RABGAP1L: variants seen among roughly 807,000 people sequenced by gnomAD.
RABGAP1L encodes the protein RAB GTPase activating protein 1 like, also known as rab GTPase-activating protein 1-like.
RABGAP1L carries 63 observed loss-of-function variants against 137.7 expected under a neutral mutation model. The ratio of observed to expected loss-of-function variants is 0.46; its 90% CI spans 0.37 to 0.56. RABGAP1L has a LOEUF of 0.56. Ranked by LOEUF, RABGAP1L falls within the 20% of genes least tolerant of loss-of-function variation. RABGAP1L has a pLI of 0.00. For missense variants in RABGAP1L, 1,095 were observed against 1,244.0 expected, an observed-to-expected ratio of 0.88 and a Z score of 1.80; for synonymous variants, 431 against 433.7, an observed-to-expected ratio of 0.99 and a Z score of 0.08.
At chr1:174,622,524 A>G (rs1049797990) in intron 13 of RABGAP1L, among the ~76,000 whole-genome samples, 1 of 152,254 alleles carries the variant, frequency 6.6e-6, no homozygotes, top group African/African-American at 2.4e-5. Flanking sequence ...CTATGCAGCC[A>G]TAAAATATGA....
chr1:174,539,699 A>G (rs143242000), intron 13 of RABGAP1L, among the ~76,000 whole-genome samples: 3,387 of 152,254 alleles, frequency 0.022, 56 homozygotes, highest in Middle Eastern at 0.088. Flanking sequence ...TCATTGATGG[A>G]CATTTGGGTT....
At chr1:174,414,453 C>T (rs1043160763) in intron 13 of RABGAP1L, among the ~76,000 whole-genome samples, 2 of 151,948 alleles carry the variant, frequency 1.3e-5, no homozygotes, top group African/African-American at 4.8e-5. Context: ...AGTAGGCTGT[C>T]CTACTATCTA....
chr1:174,896,090 C>A (rs1011679566), intron 19 of RABGAP1L, among the ~76,000 whole-genome samples: 2 of 152,214 alleles, frequency 1.3e-5, no homozygotes, highest in African/African-American at 4.8e-5. Context: ...TTCTCCACAT[C>A]CTCTCTAGCA....
At chr1:174,532,338 A>G (rs1201479401) in intron 13 of RABGAP1L, among the ~76,000 whole-genome samples, 2 of 151,640 alleles carry the variant, frequency 1.3e-5, no homozygotes, top group African/African-American at 4.9e-5. Context: ...CCTCCTGAGT[A>G]TCTGGGACTA....
chr1:174,472,526 A>G (rs2149310685), intron 13 of RABGAP1L, among the ~76,000 whole-genome samples: 1 of 152,328 alleles, frequency 6.6e-6, no homozygotes, highest in East Asian at 1.9e-4. Context: ...ACAAAGCAAA[A>G]TCAGTAAAGG....
chr1:174,394,058 A>T lies in RABGAP1L; in HGVS notation c.1623A>T (p.Glu541Asp). The part of the protein sequence containing the change: ...LSTLVKSGVP[E>D]ALRAEVWQLL... ...CTCTGGTGAAGAGTGGTGTCCCTGA[A>T]GCATTGAGGGCAGAGGTATGGCAGT... The change falls in exon 13 of 26, where the codon GAA becomes GAT. Residue 541 changes from glutamate to aspartate, a missense_variant. By Grantham distance (45) the Glu-to-Asp change is conservative. Transcript: ENST00000681986. 6.2e-7 allele frequency: 1 copy of T among 1,613,928 alleles called. No individual in the cohort carries two copies. Among genetic ancestry groups the T allele is most frequent in the Non-Finnish European group, 8.5e-7 (1 of 1,179,838 alleles).
At position 174,341,144 on chromosome 1, in the gene RABGAP1L, C is replaced by T. The variant is rs149432665; in HGVS notation, c.1466-29835C>T. ...TAAATTTCTTTAAGTTCCTGGTAGA[C>T]TCTGGATATTAGATTGTTGTCAGAT... On this transcript the variant is annotated intron_variant, in intron 11 of 25. Coordinates refer to ENST00000681986, the MANE Select transcript of RABGAP1L (RefSeq NM_001366446.1). 9.0e-3 allele frequency among the ~76,000 whole-genome samples: 1,376 copies of T among 152,058 alleles called. 25 individuals carry two copies. The highest frequency in any genetic ancestry group is 0.032 in the African/African-American group (1,327 of 41,480).
intron 4 of RABGAP1L, 127 bp from the exon 5 acceptor site, chr1:174,241,356 T>C (rs1301549121): frequency 7.3e-6 from 4 of 550,654 alleles, no homozygotes; most frequent in African/African-American, 5.9e-5. Flanking sequence ...ATAGTTATTT[T>C]ATATATCATA....
chr1:174,486,578 C>T (rs1010838948), intron 13 of RABGAP1L, among the ~76,000 whole-genome samples: 19 of 152,112 alleles, frequency 1.2e-4, no homozygotes, highest in African/African-American at 3.4e-4. Flanking sequence ...GATCCCCTGA[C>T]CTCGTGATCT....
intron 11 of RABGAP1L, among the ~76,000 whole-genome samples, chr1:174,348,505 G>A (rs1444438400): frequency 1.4e-5 from 2 of 140,810 alleles, no homozygotes; most frequent in African/African-American, 5.3e-5. Flanking sequence ...GTTTCTCACA[G>A]AGGGGGATTT....
At chr1:174,640,431 C>G (rs1424725641) in intron 14 of RABGAP1L, among the ~76,000 whole-genome samples, 3 of 152,030 alleles carry the variant, frequency 2.0e-5, no homozygotes, top group Non-Finnish European at 2.9e-5. Context: ...TGACCCCCAT[C>G]CCATATTCCC....
At chr1:174,925,889 GTTT>G (rs376200965) in intron 19 of RABGAP1L, among the ~76,000 whole-genome samples, 2 of 108,082 alleles carry the variant, frequency 1.9e-5, no homozygotes, top group Non-Finnish European at 3.9e-5. Flanking sequence ...TTTTTTTTGT[GTTT>G]TTTTTTTTTT....
intron 11 of RABGAP1L, among the ~76,000 whole-genome samples, chr1:174,323,762 C>G (rs1021323780): frequency 2.0e-5 from 3 of 152,088 alleles, no homozygotes; most frequent in East Asian, 1.9e-4. Context: ...GTAGAAAAAT[C>G]TACAACTGGA....
intron 11 of RABGAP1L, among the ~76,000 whole-genome samples, chr1:174,313,924 T>C (rs1434981131): frequency 2.0e-5 from 3 of 152,182 alleles, no homozygotes; most frequent in Non-Finnish European, 4.4e-5. Context: ...TTGTTGATGA[T>C]TTTTGCGTGA....
chr1:174,216,331 T>C (rs1669316273), intron 1 of RABGAP1L, among the ~76,000 whole-genome samples: 1 of 152,192 alleles, frequency 6.6e-6, no homozygotes, highest in African/African-American at 2.4e-5. Flanking sequence ...GGATAAATGC[T>C]TGAGGTGATG....
At chr1:174,520,329 C>T (rs1042952024) in intron 13 of RABGAP1L, among the ~76,000 whole-genome samples, 5 of 152,192 alleles carry the variant, frequency 3.3e-5, no homozygotes, top group African/African-American at 1.2e-4. Context: ...GTAAAGACTT[C>T]AGGCCAGCAG....
intron 7 of RABGAP1L, 41 bp downstream of exon 7, chr1:174,252,631 G>C (rs1367689061): frequency 1.9e-6 from 3 of 1,590,326 alleles, no homozygotes; most frequent in Non-Finnish European, 2.6e-6. Flanking sequence ...AACTTGTATT[G>C]ACATTGTTAC....
At chr1:174,579,026 C>G (rs1668562282) in intron 13 of RABGAP1L, among the ~76,000 whole-genome samples, 2 of 152,036 alleles carry the variant, frequency 1.3e-5, no homozygotes, top group South Asian at 4.1e-4. Flanking sequence ...GCTCAAATTT[C>G]TAGAAATAAA....
chr1:174,361,948 C>T (rs377237434), intron 11 of RABGAP1L, among the ~76,000 whole-genome samples: 12 of 152,090 alleles, frequency 7.9e-5, no homozygotes, highest in Non-Finnish European at 1.5e-4. Context: ...CTCAGCCATC[C>T]GATAGACCCT....
Sources: gnomAD v4.1 joint callset for allele counts (sites outside exome capture counted in the v4.1 genomes callset) on GRCh38, gnomAD v4.1.1 for gene constraint, MANE v1.5 for transcripts, NCBI Gene and HGNC (gene_info 2026-07-23, HGNC 2026-07-21) for gene names.